Variants in FES observed in about 807,000 individuals in gnomAD.
The protein encoded by FES is FES proto-oncogene, tyrosine kinase.
FES carries 83 observed loss-of-function variants against 109.6 expected under a neutral mutation model. The observed-to-expected ratio is 0.76, with a 90% CI of 0.63 to 0.91. FES has a LOEUF of 0.91. FES is among the 40% of genes least tolerant of loss of function. The probability of loss-of-function intolerance (pLI) is 0.00; values close to 1 mark genes in which losing one functional copy is unlikely to be tolerated. For synonymous variants in FES, 458 were observed against 442.1 expected (o/e 1.04, Z -0.45); for missense variants, 943 against 1,070.9 (o/e 0.88, Z 1.67).
At chr15:90,890,624 C>G in intron 10 of FES, 140 bp downstream of exon 10, 2 of 762,478 alleles carry the variant, frequency 2.6e-6, no homozygotes, top group Non-Finnish European at 4.2e-6. Context: ...GCAGATGTCC[C>G]CAGACCCTGC....
chr15:90,890,627 G>A, intron 10 of FES, 143 bp downstream of exon 10: 1 of 761,252 alleles, frequency 1.3e-6, no homozygotes, highest in Non-Finnish European at 2.1e-6. Context: ...GATGTCCCCA[G>A]ACCCTGCCCC....
chr15:90,887,151 T>A, intron 4 of FES, 36 bp from the exon 5 acceptor site: 1 of 1,612,086 alleles, frequency 6.2e-7, no homozygotes, highest in Non-Finnish European at 8.5e-7. Context: ...TGGGCCTCCA[T>A]GCTGTCATCT....
chr15:90,886,937 C>T (rs1351427347), intron 3 of FES, 24 bp from the exon 4 acceptor site: 2 of 1,610,100 alleles, frequency 1.2e-6, no homozygotes, highest in Non-Finnish European at 1.7e-6. Context: ...TGCTGCCCCA[C>T]ACTGGCCTCT....
chr15:90,889,403 C>A lies in FES; in HGVS notation c.766C>A (p.Gln256Lys). 1 of 1,614,132 alleles carries A rather than the reference C, an allele frequency of 6.2e-7. No homozygotes were observed. Among genetic ancestry groups the A allele is most frequent in the Non-Finnish European group, 8.5e-7 (1 of 1,180,042 alleles). Residue 256 changes from glutamine to lysine, a missense_variant, in exon 6 of 19, where the codon CAG becomes AAG. Coordinates refer to ENST00000328850, the MANE Select transcript of FES (RefSeq NM_002005.4). The surrounding 1 kb of genome is among the most constrained non-coding windows in gnomAD (Gnocchi z 6.1). ...REMAAAAARI[Q>K]PEAEYQGFLR... ...GATGGCTGCAGCTGCTGCCCGCATC[C>A]AGCCTGAGGCTGAGTACCAAGGCTT...
At chr15:90,886,836 G>C (rs1416689187) in intron 3 of FES, 125 bp from the exon 4 acceptor site, 8 of 803,004 alleles carry the variant, frequency 1.0e-5, no homozygotes, top group Non-Finnish European at 1.6e-5. Flanking sequence ...TCAGCAGCCA[G>C]CTTTCCCAGA....
Position 90,889,772 on chromosome 15 carries a change from G to T in FES, c.927-68G>T, listed in dbSNP as rs1037911502. ...GGCCGGGCTTGCTTGGCTCTACAGG[G>T]ATGCACTGGACCTGGGTTGAGGGGG... On this transcript the variant is annotated intron_variant, in intron 7 of 18. Coordinates refer to ENST00000328850, the MANE Select transcript of FES (RefSeq NM_002005.4). This position sits in a 1 kb window ranked among gnomAD's most constrained non-coding sequence, Gnocchi z 6.1. 8 of 1,608,442 alleles carry T rather than the reference G, an allele frequency of 5.0e-6. No individual in the cohort carries two copies. In the Admixed American group the frequency reaches 1.3e-4, roughly 27 times the overall value.
intron 10 of FES, 60 bp downstream of exon 10, chr15:90,890,544 G>A: frequency 6.8e-7 from 1 of 1,468,164 alleles, no homozygotes; most frequent in South Asian, 1.2e-5. Context: ...TCACTGGGAT[G>A]TCCTAGAGAG....
chr15:90,885,729 T>G, intron 3 of FES, 144 bp downstream of exon 3: 1 of 1,348,956 alleles, frequency 7.4e-7, no homozygotes, highest in Non-Finnish European at 9.9e-7. Context: ...TTGATGCAGC[T>G]TCCTCTCTTC....
Position 90,895,645 on chromosome 15 carries a change from C to T in FES, c.*87C>T, listed in dbSNP as rs1347170187. The T allele has an allele frequency of 7.0e-6, 9 of 1,285,526 alleles. No homozygotes were observed. The highest frequency in any genetic ancestry group is 2.7e-5 in the Admixed American group (1 of 37,290). 79.6% of individuals were successfully genotyped at this position (1,285,526 alleles called of 1,614,324 possible). The stretch of plus-strand genomic sequence containing the variant: ...TCCAGCTCATATGCTGACAGCTCTT[C>T]ACAGTCCTGGACTCCTGCCACCAGC... On this transcript the variant is annotated 3_prime_UTR_variant, in exon 19 of 19. Transcript: ENST00000328850.
At position 90,891,184 on chromosome 15, in the gene FES, C is replaced by G. The variant is rs767493516; in HGVS notation, c.1523C>G (p.Ser508Cys). The G allele has an allele frequency of 1.9e-6, 3 of 1,555,204 alleles. No individual in the cohort carries two copies. Among genetic ancestry groups the G allele is most frequent in the African/African-American group, 1.4e-5 (1 of 73,542 alleles). The stretch of plus-strand genomic sequence containing the variant: ...CTGCCCCGGCACTTCATCATCCAGT[C>G]CTTGGATGTGAGTGGGGCTGGGACC... ...DGLPRHFIIQSLDNLYRLEGE... is the reference protein window; with the variant it reads ...DGLPRHFIIQCLDNLYRLEGE... The change falls in exon 11 of 19, where the codon TCC (serine) becomes TGC (cysteine). Residue 508 changes from serine (S) to cysteine (C), a missense_variant. Ser to Cys is a moderately radical substitution (Grantham distance 112). Coordinates refer to ENST00000328850, the MANE Select transcript of FES (RefSeq NM_002005.4).
At chr15:90,891,245 C>A in intron 11 of FES, 54 bp downstream of exon 11, 1 of 1,532,954 alleles carries the variant, frequency 6.5e-7, no homozygotes, top group Non-Finnish European at 8.8e-7. Flanking sequence ...CCTCCCTTCC[C>A]TTCCCCAAGG....
Position 90,891,180 on chromosome 15 carries a change from C to T in FES, c.1519C>T (p.Gln507Ter), listed in dbSNP as rs1039798978. The change falls in exon 11 of 19, where the codon CAG becomes TAG. Residue 507 changes from glutamine to a stop codon, truncating the protein, a stop_gained. Transcript: ENST00000328850. LOFTEE classifies it high-confidence loss of function. ...WDGLPRHFII[Q>*]SLDNLYRLEG... ...TGGTCTGCCCCGGCACTTCATCATCCAGTCCTTGGATGTGAGTGGGGCTGG... is the reference window on the plus strand; with the variant it reads ...TGGTCTGCCCCGGCACTTCATCATCTAGTCCTTGGATGTGAGTGGGGCTGG... The T allele has an allele frequency of 6.4e-7, 1 of 1,556,692 alleles. No homozygotes were observed.
chr15:90,895,531 G>T lies in FES; in HGVS notation c.2442G>T (p.Leu814=), dbSNP rs200385597. The change falls in exon 19 of 19, where the codon CTG becomes CTT. Residue 814 remains leucine (L), a synonymous_variant. Transcript: ENST00000328850. The part of the protein sequence containing the change: ...RPSFSTIYQE[L]QSIRKRHR ...GCTTCAGCACCATCTACCAGGAGCT[G>T]CAGAGCATCCGAAAGCGGCATCGGT... 2.5e-6 allele frequency: 4 copies of T among 1,593,316 alleles called. No individual in the cohort carries two copies. The highest frequency in any genetic ancestry group is 2.6e-6 in the Non-Finnish European group (3 of 1,168,366).
chr15:90,894,197 C>A, intron 18 of FES, 139 bp downstream of exon 18: 1 of 1,023,824 alleles, frequency 9.8e-7, no homozygotes, highest in Non-Finnish European at 1.4e-6. Flanking sequence ...CGCCTGTCAT[C>A]CCAGCACTTT....
intron 13 of FES, 120 bp downstream of exon 13, chr15:90,892,231 C>T: frequency 1.8e-6 from 2 of 1,094,680 alleles, no homozygotes; most frequent in South Asian, 1.3e-5. Flanking sequence ...TGTACCCCGA[C>T]TCCCTGCCCA....
In FES at chr15:90,887,379, G is replaced by A. The variant is rs746581749; in HGVS notation, c.668+9G>A. The A allele has an allele frequency of 2.8e-5, 45 of 1,601,506 alleles. No individual in the cohort carries two copies. The highest frequency in any genetic ancestry group is 3.2e-5 in the Non-Finnish European group (37 of 1,173,170). On this transcript the variant is annotated intron_variant, in intron 5 of 18. Coordinates refer to ENST00000328850, the MANE Select transcript of FES (RefSeq NM_002005.4). ...GAGATGGCTTGCATCCTGTAAGCCC[G>A]CAGCCCCGTCCCCTGGCCCCCACCC... is the stretch of plus-strand genomic sequence containing the variant.
rs1412458451 is a variant in FES at position 90,885,428 on chromosome 15, C to T, written c.230C>T (p.Thr77Ile). The T allele has an allele frequency of 1.9e-6, 3 of 1,612,772 alleles. No individual in the cohort carries two copies. Among genetic ancestry groups the T allele is most frequent in the East Asian group, 4.5e-5 (2 of 44,878 alleles). Reference protein sequence around the residue: ...SPISQSWAEITSQTEGLSRLL... With the variant: ...SPISQSWAEIISQTEGLSRLL... ...GCTGTATAGTCCTGGGCTGAGATCA[C>T]CAGCCAAACTGAGGGCCTGAGCCGC... is the stretch of plus-strand genomic sequence containing the variant. Residue 77 changes from threonine to isoleucine, a missense_variant, in exon 3 of 19, where the codon ACC becomes ATC. Transcript: ENST00000328850.
In FES at chr15:90,885,269, A is replaced by G. The variant is rs759629329; in HGVS notation, c.213+11A>G. 5 of 1,607,514 alleles carry G rather than the reference A, an allele frequency of 3.1e-6. No individual in the cohort carries two copies. The East Asian group carries it at 1.1e-4, about 36-fold the overall frequency. On this transcript the variant is annotated intron_variant, in intron 2 of 18. Transcript: ENST00000328850. ...AGCCCCATCAGTCAGGTGGGTCTCT[A>G]TGGGACTCTGGTGGGTGCTGGCTGT...
At chr15:90,894,748 AG>A (rs1253407091) in intron 18 of FES, among the ~76,000 whole-genome samples, 2 of 60,702 alleles carry the variant, frequency 3.3e-5, no homozygotes, top group African/African-American at 8.8e-5. Flanking sequence ...CCTGGGTGAC[AG>A]AGAGAGAGAG....
Sources: gnomAD v4.1 joint callset for allele counts (sites outside exome capture counted in the v4.1 genomes callset) on GRCh38, gnomAD v4.1.1 for gene constraint, Gnocchi (gnomAD v3.1) non-coding constraint, MANE v1.5 for transcripts, NCBI Gene and HGNC (gene_info 2026-07-23, HGNC 2026-07-21) for gene names.